MTCL1: variants seen among roughly 807,000 people sequenced by gnomAD.
MTCL1 encodes microtubule cross-linking factor 1.
MTCL1 carries 79 observed loss-of-function variants against 141.4 expected under a neutral mutation model. That is an observed-to-expected ratio of 0.56 (90% CI 0.47 to 0.67). The LOEUF (loss-of-function observed/expected upper bound fraction) is 0.67. MTCL1 is among the 30% of genes least tolerant of loss of function. The probability of loss-of-function intolerance (pLI) is 0.00; values close to 1 mark genes in which losing one functional copy is unlikely to be tolerated. For synonymous variants in MTCL1, 914 were observed against 875.8 expected, an observed-to-expected ratio of 1.04 and a Z score of -0.77; for missense variants, 2,177 against 2,113.9, an observed-to-expected ratio of 1.03 and a Z score of -0.59.
intron 4 of MTCL1, among the ~76,000 whole-genome samples, chr18:8,756,405 G>GTGTATATATGTATATA (rs1567983469): frequency 7.5e-5 from 11 of 147,626 alleles, no homozygotes; most frequent in African/African-American, 2.8e-4. Flanking sequence ...ATGTATATAT[G>GTGTATATATGTATATA]TGTGTATATG....
At position 8,725,891 on chromosome 18, in the gene MTCL1, G is replaced by A. The variant is rs550972546; in HGVS notation, c.357+5395G>A. Among the ~76,000 whole-genome samples, 23 of 145,560 alleles carry A rather than the reference G, an allele frequency of 1.6e-4. No individual in the cohort carries two copies. The South Asian group carries it at 4.1e-3, about 26-fold the overall frequency. ...TGCAAGCTCTGCCTCCCGGGTTCACGCCATTCTCCTGCCTCAGCCTCCGGA... is the reference window on the plus strand; with the variant it reads ...TGCAAGCTCTGCCTCCCGGGTTCACACCATTCTCCTGCCTCAGCCTCCGGA... On this transcript the variant is annotated intron_variant, in intron 4 of 16. Transcript: ENST00000359865.
intron 4 of MTCL1, among the ~76,000 whole-genome samples, chr18:8,744,592 C>A (rs1176132353): frequency 1.3e-5 from 2 of 151,860 alleles, no homozygotes; most frequent in Non-Finnish European, 2.9e-5. Context: ...TTTTTATCTT[C>A]TTTCTGTTTT....
rs2096059323 is a variant in MTCL1, at chr18:8,706,637, G to A, written c.977G>A (p.Arg326Gln). The change falls in exon 1 of 14, where the codon CGG (arginine) becomes CAG (glutamine). Residue 326 changes from arginine (R) to glutamine (Q), a missense_variant. Transcript: ENST00000306329. ...GAGCCCAGCCTGGGCGAGCAGTCTC[G>A]GCTCGTGCCAGCGGCGGAGGAAGAA... is the stretch of plus-strand genomic sequence containing the variant. 1.9e-6 allele frequency: 3 copies of A among 1,546,400 alleles called. 1 individual carries two copies. In the Middle Eastern group the frequency reaches 6.3e-4, roughly 326 times the overall value.
exon 9 of MTCL1, chr18:8,796,277 A>G (rs1235275022): frequency 6.2e-7 from 1 of 1,614,138 alleles, no homozygotes; most frequent in Admixed American, 1.7e-5. Context: ...AGAACTGGAA[A>G]TGCACAGCCT....
chr18:8,829,210 AT>A, intron 16 of MTCL1: 5 of 985,398 alleles, frequency 5.1e-6, no homozygotes, highest in Non-Finnish European at 6.0e-6. Context: ...TTCTGCTGAG[AT>A]TTCTCCGCTT....
rs188623617 is a variant in MTCL1 at position 8,779,815 on chromosome 18, C to T, written c.417+1923C>T. Among the ~76,000 whole-genome samples the T allele has an allele frequency of 4.4e-4, 67 of 152,222 alleles. No individual in the cohort carries two copies. The highest frequency in any genetic ancestry group is 1.4e-3 in the African/African-American group (59 of 41,522). Reference sequence around the variant, plus strand: ...CTTTTTTCTTTAAGGAACGAGAAGACGTTTTGGACATTTTATCAATCCTCA... The same window carrying T: ...CTTTTTTCTTTAAGGAACGAGAAGATGTTTTGGACATTTTATCAATCCTCA... On this transcript the variant is annotated intron_variant, in intron 5 of 16. Transcript: ENST00000359865. The surrounding 1 kb of genome is among the most constrained non-coding windows in gnomAD (Gnocchi z 4.1).
At chr18:8,823,206 A>T (rs2076904640) in intron 14 of MTCL1, among the ~76,000 whole-genome samples, 1 of 151,664 alleles carries the variant, frequency 6.6e-6, no homozygotes, top group Non-Finnish European at 1.5e-5. Context: ...GGGTTTTCTC[A>T]TCATGGTTTT....
At chr18:8,769,151 T>C (rs192395584) in intron 4 of MTCL1, among the ~76,000 whole-genome samples, 78 of 152,284 alleles carry the variant, frequency 5.1e-4, no homozygotes, top group African/African-American at 1.8e-3. Context: ...CAGGCAAATG[T>C]CATGTTTCTA....
At chr18:8,707,606 CTG>C (rs2096065284) in intron 1 of MTCL1, 1 of 152,552 alleles carries the variant, frequency 6.6e-6, no homozygotes, top group Admixed American at 6.5e-5. Flanking sequence ...TTGACACCAA[CTG>C]TTTTATTTAT....
intron 4 of MTCL1, among the ~76,000 whole-genome samples, chr18:8,739,245 T>TA (rs942658323): frequency 1.3e-5 from 2 of 151,874 alleles, no homozygotes; most frequent in African/African-American, 2.4e-5. Flanking sequence ...ACCCTGTCTC[T>TA]AAAAAAATTA....
At chr18:8,726,472 G>GAGA (rs1555629141) in intron 4 of MTCL1, among the ~76,000 whole-genome samples, 64 of 131,622 alleles carry the variant, frequency 4.9e-4, no homozygotes, top group African/African-American at 1.6e-3. Context: ...GAGAATAAGA[G>GAGA]GAGAGAGAGA....
intron 4 of MTCL1, among the ~76,000 whole-genome samples, chr18:8,724,856 C>T (rs150221705): frequency 6.6e-6 from 1 of 152,086 alleles, no homozygotes; most frequent in African/African-American, 2.4e-5. Context: ...AGAATTATCC[C>T]TTCCCACTAG....
At chr18:8,765,485 T>G (rs1464297899) in intron 4 of MTCL1, among the ~76,000 whole-genome samples, 1 of 152,086 alleles carries the variant, frequency 6.6e-6, no homozygotes, top group Non-Finnish European at 1.5e-5. Flanking sequence ...AGCAAGAGCC[T>G]CCTCCCCCAC....
chr18:8,714,863 T>C (rs566623536), upstream of MTCL1, among the ~76,000 whole-genome samples: 562 of 152,116 alleles, frequency 3.7e-3, 2 homozygotes, highest in Non-Finnish European at 5.4e-3. Context: ...GTGGCGCGAT[T>C]TCCACTCACT....
At chr18:8,772,642 CAT>C (rs1388338271) in intron 4 of MTCL1, among the ~76,000 whole-genome samples, 5 of 150,422 alleles carry the variant, frequency 3.3e-5, no homozygotes, top group South Asian at 2.1e-4. Flanking sequence ...TGTATGTTAA[CAT>C]AAACATACAT....
intron 4 of MTCL1, among the ~76,000 whole-genome samples, chr18:8,731,390 A>G (rs1199298397): frequency 6.6e-6 from 1 of 152,078 alleles, no homozygotes; most frequent in Non-Finnish European, 1.5e-5. Context: ...CCTAGCCAAC[A>G]TGGTGAAACC....
chr18:8,730,732 C>A (rs1393694882), intron 4 of MTCL1, among the ~76,000 whole-genome samples: 1 of 152,118 alleles, frequency 6.6e-6, no homozygotes, highest in Non-Finnish European at 1.5e-5. Context: ...ATTATGGCAC[C>A]CTTGGGATGG....
exon 15 of MTCL1, chr18:8,825,999 A>G (rs1568114681): frequency 6.2e-7 from 1 of 1,603,902 alleles, no homozygotes. Flanking sequence ...GCCTAGCCCC[A>G]TTGGGGTGGG....
intron 4 of MTCL1, among the ~76,000 whole-genome samples, chr18:8,761,583 C>A (rs1342396823): frequency 1.3e-5 from 2 of 152,066 alleles, no homozygotes; most frequent in Admixed American, 1.3e-4. Flanking sequence ...TGTATTAGTC[C>A]ATTTTTGTGC....
Sources: allele counts gnomAD v4.1 joint callset (sites outside exome capture counted in the v4.1 genomes callset), GRCh38; gene constraint gnomAD v4.1.1; non-coding constraint Gnocchi (gnomAD v3.1); transcripts MANE v1.5; gene names NCBI Gene and HGNC (gene_info 2026-07-23, HGNC 2026-07-21).